Variants in COLQ observed in about 807,000 individuals in gnomAD.
The protein encoded by COLQ is collagen like tail subunit of asymmetric acetylcholinesterase, also known as acetylcholinesterase collagenic tail peptide.
In COLQ, 48 loss-of-function variants were observed where a neutral mutation model predicts 69.0. The ratio of observed to expected loss-of-function variants is 0.70; its 90% CI spans 0.55 to 0.88. The LOEUF is 0.88. COLQ is among the 40% of genes least tolerant of loss of function. The pLI is 0.00. For synonymous variants in COLQ, 217 were observed against 211.2 expected (o/e 1.03, Z -0.24); for missense variants, 618 against 594.6 (o/e 1.04, Z -0.41).
intron 1 of COLQ, among the ~76,000 whole-genome samples, chr3:15,510,535 C>T (rs1359781303): frequency 1.3e-5 from 2 of 151,918 alleles, no homozygotes; most frequent in Non-Finnish European, 2.9e-5. Context: ...TGGCAAAACC[C>T]TGTCTCTACA....
At position 15,504,568 on chromosome 3, in the gene COLQ, T is replaced by C. The variant is rs528387640; in HGVS notation, c.107-14931A>G. 3.9e-5 allele frequency among the ~76,000 whole-genome samples: 6 copies of C among 152,310 alleles called. No individual in the cohort carries two copies. In the East Asian group the frequency reaches 1.2e-3, roughly 29 times the overall value. ...ATAAAGACCTCATCTCCAAATATAG[T>C]CACATTCTGGCTGGGCATGGTGGCT... is the stretch of plus-strand genomic sequence containing the variant. On this transcript the variant is annotated intron_variant, in intron 1 of 16. Coordinates refer to ENST00000383788, the MANE Select transcript of COLQ (RefSeq NM_005677.4).
Position 15,470,555 on chromosome 3 carries a change from G to T in COLQ, c.698C>A (p.Pro233Gln), listed in dbSNP as rs1190968393. Residue 233 changes from proline (P) to glutamine (Q), a missense_variant, in exon 11 of 17, where the codon CCA becomes CAA. Pro to Gln is a moderately conservative substitution (Grantham distance 76). Coordinates refer to ENST00000383788, the MANE Select transcript of COLQ (RefSeq NM_005677.4). ...IAGHRGPTGR[P>Q]GKRGKQGQKG... ...CCTTACCTGCTTGCCTCGTTTTCCT[G>T]GTCTTCCTGTGGGTCCTCGGTGTCC... 5.6e-6 allele frequency: 9 copies of T among 1,613,830 alleles called. No homozygotes were observed. The highest frequency in any genetic ancestry group is 7.6e-6 in the Non-Finnish European group (9 of 1,179,990).
chr3:15,485,476 G>T (rs1426451130), intron 3 of COLQ, among the ~76,000 whole-genome samples: 2 of 152,312 alleles, frequency 1.3e-5, no homozygotes, highest in East Asian at 1.9e-4. Flanking sequence ...CACACTGAGG[G>T]CTATAGACTG....
Position 15,466,440 on chromosome 3 carries a change from G to A in COLQ, c.718-3C>T, listed in dbSNP as rs1342048571. 3 of 1,612,942 alleles carry A rather than the reference G, an allele frequency of 1.9e-6. No homozygotes were observed. The highest frequency in any genetic ancestry group is 4.5e-5 in the East Asian group (2 of 44,874). On this transcript the variant is annotated splice_region_variant and splice_polypyrimidine_tract_variant and intron_variant, in intron 11 of 16. Coordinates refer to ENST00000383788, the MANE Select transcript of COLQ (RefSeq NM_005677.4). ...ACTCCACTATCCCCTTTCTGTCCCT[G>A]ACAGAGAGAAAGGCAGAGCCTGTTA... is the stretch of plus-strand genomic sequence containing the variant.
chr3:15,495,970 T>C (rs2062739987), intron 1 of COLQ, among the ~76,000 whole-genome samples: 1 of 152,140 alleles, frequency 6.6e-6, no homozygotes, highest in South Asian at 2.1e-4. Flanking sequence ...CAAAAGCACC[T>C]GGGAGGCTGG....
intron 12 of COLQ, among the ~76,000 whole-genome samples, chr3:15,465,607 C>G (rs1016476964): frequency 8.5e-6 from 1 of 116,988 alleles, no homozygotes; most frequent in Non-Finnish European, 1.7e-5. Flanking sequence ...TTTCTTTCTA[C>G]ATCTTTTTTT....
intron 1 of COLQ, among the ~76,000 whole-genome samples, chr3:15,490,015 T>C (rs537564274): frequency 6.6e-6 from 1 of 152,348 alleles, no homozygotes; most frequent in South Asian, 2.1e-4. Context: ...TTTAATATTG[T>C]ACTCAGAAGG....
chr3:15,485,004 T>C (rs2125132088), intron 3 of COLQ, among the ~76,000 whole-genome samples: 1 of 152,382 alleles, frequency 6.6e-6, no homozygotes, highest in East Asian at 1.9e-4. Context: ...GCTTTTCTGC[T>C]CTGGTTTCTC....
Position 15,496,770 on chromosome 3 carries a change from G to A in COLQ, c.107-7133C>T, listed in dbSNP as rs557000049. Among the ~76,000 whole-genome samples, 3 of 152,320 alleles carry A rather than the reference G, an allele frequency of 2.0e-5. No homozygotes were observed. The South Asian group carries it at 6.2e-4, about 32-fold the overall frequency. On this transcript the variant is annotated intron_variant, in intron 1 of 16. Coordinates refer to ENST00000383788, the MANE Select transcript of COLQ (RefSeq NM_005677.4). ...GCAAGTGTTTGAAGCTTTTGTTGTC[G>A]ATGATGCTGGTTTTGCCCTTTGGAC...
intron 1 of COLQ, 36 bp downstream of exon 1, chr3:15,521,484 C>T: frequency 6.2e-7 from 1 of 1,613,372 alleles, no homozygotes; most frequent in Non-Finnish European, 8.5e-7. Context: ...TGTCCCCTGA[C>T]AGATGGAAGA....
intron 1 of COLQ, among the ~76,000 whole-genome samples, chr3:15,510,993 A>G (rs1320854907): frequency 6.6e-6 from 1 of 152,158 alleles, no homozygotes; most frequent in Non-Finnish European, 1.5e-5. Context: ...ACTCTCACAT[A>G]ATGGGTTCTC....
At position 15,514,900 on chromosome 3, in the gene COLQ, T is replaced by A. The variant is rs114440437; in HGVS notation, c.106+6620A>T. Among the ~76,000 whole-genome samples the A allele has an allele frequency of 6.2e-3, 948 of 152,370 alleles. 7 individuals are homozygous for A. The highest frequency in any genetic ancestry group is 0.022 in the African/African-American group (900 of 41,594). ...TTTCAAGATGTTTGCTTCTTTATTT[T>A]ATTTAATTTTTTTGCTGAATAGATA... On this transcript the variant is annotated intron_variant, in intron 1 of 16. Coordinates refer to ENST00000383788, the MANE Select transcript of COLQ (RefSeq NM_005677.4).
intron 3 of COLQ, among the ~76,000 whole-genome samples, chr3:15,482,757 G>C (rs1398204193): frequency 6.6e-6 from 1 of 152,136 alleles, no homozygotes; most frequent in African/African-American, 2.4e-5. Flanking sequence ...CTCTTTTTCT[G>C]TTGATTGGAA....
intron 2 of COLQ, among the ~76,000 whole-genome samples, 196 bp from the exon 3 acceptor site, chr3:15,488,503 C>T (rs1240767827): frequency 1.3e-5 from 2 of 152,076 alleles, no homozygotes; most frequent in Non-Finnish European, 2.9e-5. Context: ...ACGAACCTGG[C>T]TTGTATGGAT....
At chr3:15,457,285 G>T (rs1182268065) in intron 13 of COLQ, among the ~76,000 whole-genome samples, 1 of 151,794 alleles carries the variant, frequency 6.6e-6, no homozygotes, top group African/African-American at 2.4e-5. Context: ...GCTTGGGGGT[G>T]GCCAATAAGC....
At chr3:15,499,007 AGCCTCAAAG>A in intron 1 of COLQ, 2 of 1,051,252 alleles carry the variant, frequency 1.9e-6, no homozygotes, top group Non-Finnish European at 2.3e-6. Context: ...TGCTCTGGTA[AGCCTCAAAG>A]TCAACCCCCC....
rs771405615 is a variant in COLQ at position 15,473,600 on chromosome 3, A to G, written c.636+400T>C. ...AAGGCACAGTGACCTTAAGCTAAAGACACCTGTGCCTTACACTGAGGCCTG... is the reference window on the plus strand; with the variant it reads ...AAGGCACAGTGACCTTAAGCTAAAGGCACCTGTGCCTTACACTGAGGCCTG... On this transcript the variant is annotated intron_variant, in intron 10 of 16. Coordinates refer to ENST00000383788, the MANE Select transcript of COLQ (RefSeq NM_005677.4). This position sits in a 1 kb window ranked among gnomAD's most constrained non-coding sequence, Gnocchi z 4.0. Among the ~76,000 whole-genome samples the G allele has an allele frequency of 1.3e-5, 2 of 152,194 alleles. No individual in the cohort carries two copies. The highest frequency in any genetic ancestry group is 2.9e-5 in the Non-Finnish European group (2 of 68,032).
intron 1 of COLQ, among the ~76,000 whole-genome samples, chr3:15,518,981 T>C (rs1319459882): frequency 6.6e-6 from 1 of 152,240 alleles, no homozygotes; most frequent in Admixed American, 6.5e-5. Context: ...GAATATAGAA[T>C]ATTTTATATC....
At chr3:15,462,419 CTTT>C (rs1271366547) in intron 12 of COLQ, among the ~76,000 whole-genome samples, 1 of 152,192 alleles carries the variant, frequency 6.6e-6, no homozygotes, top group Non-Finnish European at 1.5e-5. Flanking sequence ...CCCATCTTCT[CTTT>C]ACCTTCTTCA....
Sources: gnomAD v4.1 joint callset for allele counts (sites outside exome capture counted in the v4.1 genomes callset) on GRCh38, gnomAD v4.1.1 for gene constraint, Gnocchi (gnomAD v3.1) non-coding constraint, MANE v1.5 for transcripts, NCBI Gene and HGNC (gene_info 2026-07-23, HGNC 2026-07-21) for gene names.